The following AFF3 variants were observed in gnomAD, a reference collection of about 807,000 sequenced individuals.
AFF3 encodes the protein AF4/FMR2 family member 3.
AFF3 carries 32 observed loss-of-function variants against 129.7 expected under a neutral mutation model. The ratio of observed to expected loss-of-function variants is 0.25; its 90% CI spans 0.19 to 0.33. The LOEUF is 0.33. AFF3 is among the 10% of genes least tolerant of loss of function. The pLI is 1.00. For synonymous variants in AFF3, 644 were observed against 635.4 expected, an observed-to-expected ratio of 1.01 and a Z score of -0.20; for missense variants, 1,373 against 1,592.0, an observed-to-expected ratio of 0.86 and a Z score of 2.34.
At chr2:99,742,188 T>G (rs1350139331) in intron 10 of AFF3, among the ~76,000 whole-genome samples, 1 of 151,956 alleles carries the variant, frequency 6.6e-6, no homozygotes, top group Non-Finnish European at 1.5e-5. Context: ...AAATGCTGTC[T>G]ATAAGAAAAA....
chr2:99,650,334 G>A (rs1466103433), intron 12 of AFF3, among the ~76,000 whole-genome samples: 1 of 152,100 alleles, frequency 6.6e-6, no homozygotes, highest in Non-Finnish European at 1.5e-5. Context: ...TGAGGCAGGT[G>A]GATCACCTGA....
At position 99,601,451 on chromosome 2, in the gene AFF3, T is replaced by G. The variant is rs993511035; in HGVS notation, c.1355A>C (p.His452Pro). The G allele has an allele frequency of 1.9e-6, 3 of 1,606,310 alleles. No individual in the cohort carries two copies. The highest frequency in any genetic ancestry group is 2.6e-6 in the Non-Finnish European group (3 of 1,175,796). The change falls in exon 14 of 25, where the codon CAC (histidine) becomes CCC (proline). Residue 452 changes from histidine to proline, a missense_variant. By Grantham distance (77) the His-to-Pro change is moderately conservative. Coordinates refer to ENST00000672756, the MANE Select transcript of AFF3 (RefSeq NM_001386135.1). ...SSESEGSKPPHFSSPEAEPAS... is the reference protein window; with the variant it reads ...SSESEGSKPPPFSSPEAEPAS... ...AGCGCTTACCTCGGGGCTGGAGAAG[T>G]GGGGGGGCTTGCTGCCCTCACTCTC...
chr2:99,586,343 C>CTG (rs1288080753), intron 16 of AFF3, among the ~76,000 whole-genome samples: 1 of 152,156 alleles, frequency 6.6e-6, no homozygotes, highest in Non-Finnish European at 1.5e-5. Context: ...TGCAGTGTGC[C>CTG]TGTGTGTGTG....
intron 2 of AFF3, among the ~76,000 whole-genome samples, chr2:100,124,486 A>G (rs1442732425): frequency 6.6e-6 from 1 of 152,234 alleles, no homozygotes; most frequent in East Asian, 1.9e-4. Flanking sequence ...TATTTTTTAT[A>G]CATCCTTTTT....
chr2:99,574,355 A>G (rs527941699), intron 18 of AFF3, among the ~76,000 whole-genome samples: 2 of 152,286 alleles, frequency 1.3e-5, no homozygotes, highest in African/African-American at 4.8e-5. Context: ...TTAAAAATAA[A>G]TGTTATTCTT....
intron 11 of AFF3, among the ~76,000 whole-genome samples, chr2:99,715,430 G>C (rs1008339445): frequency 2.0e-5 from 3 of 152,096 alleles, no homozygotes; most frequent in African/African-American, 7.2e-5. Context: ...TGCCTATTAC[G>C]AAACAGGCAC....
Position 99,582,843 on chromosome 2 carries a change from C to T in AFF3, c.2748G>A (p.Lys916=). Reference sequence around the variant, plus strand: ...GCTGCAGCTGGCTGTCGGCCTTAGGCTTTTTGCTGGAAGAGGCTGAAGTAA... The same window carrying T: ...GCTGCAGCTGGCTGTCGGCCTTAGGTTTTTTGCTGGAAGAGGCTGAAGTAA... The part of the protein sequence containing the change: ...SLFTSASSSK[K]PKADSQLQPH... Residue 916 remains lysine (K), a synonymous_variant, in exon 17 of 25, where the codon AAG becomes AAA. Coordinates refer to ENST00000672756, the MANE Select transcript of AFF3 (RefSeq NM_001386135.1). 6.2e-7 allele frequency: 1 copy of T among 1,614,182 alleles called. No homozygotes were observed. The highest frequency in any genetic ancestry group is 8.5e-7 in the Non-Finnish European group (1 of 1,180,044).
chr2:99,566,043 T>C (rs1298641183), intron 19 of AFF3, among the ~76,000 whole-genome samples: 2 of 152,234 alleles, frequency 1.3e-5, no homozygotes, highest in Admixed American at 6.5e-5. Flanking sequence ...CCAACTTGGA[T>C]GGTTCTAGGC....
At chr2:99,754,041 C>G (rs1041283225) in intron 8 of AFF3, among the ~76,000 whole-genome samples, 1 of 152,152 alleles carries the variant, frequency 6.6e-6, no homozygotes, top group Non-Finnish European at 1.5e-5. Flanking sequence ...CTGGTCAGCT[C>G]TTACCCAGAG....
chr2:100,106,005 G>A (rs1014026489), intron 2 of AFF3: 7 of 1,322,640 alleles, frequency 5.3e-6, no homozygotes, highest in Middle Eastern at 2.1e-4. Flanking sequence ...TCCCTCCAGC[G>A]TCAAGCCGAA....
At chr2:100,136,635 C>T (rs767222210) in intron 1 of AFF3, among the ~76,000 whole-genome samples, 4 of 152,108 alleles carry the variant, frequency 2.6e-5, no homozygotes, top group East Asian at 1.9e-4. Context: ...GCTATGTGAC[C>T]GCTGAAGCTT....
chr2:99,712,469 T>C (rs6708267), intron 11 of AFF3, among the ~76,000 whole-genome samples: 40,031 of 152,192 alleles, frequency 0.26, 5,414 homozygotes, highest in African/African-American at 0.31. Flanking sequence ...GCCCAGTGCA[T>C]GCCATTTCCT....
chr2:99,837,652 G>A (rs1363563687), intron 7 of AFF3, 128 bp from the exon 8 acceptor site: 3 of 752,156 alleles, frequency 4.0e-6, no homozygotes, highest in Non-Finnish European at 6.6e-6. Context: ...GGGGATGCCT[G>A]ACCTGGGACT....
intron 2 of AFF3, among the ~76,000 whole-genome samples, chr2:100,113,206 A>G (rs1466331996): frequency 1.3e-5 from 2 of 152,206 alleles, no homozygotes; most frequent in African/African-American, 2.4e-5. Flanking sequence ...TGATTTACTG[A>G]ACAAACATTA....
At chr2:99,785,301 T>G (rs887626322) in intron 8 of AFF3, among the ~76,000 whole-genome samples, 2 of 152,212 alleles carry the variant, frequency 1.3e-5, no homozygotes, top group Non-Finnish European at 2.9e-5. Context: ...AAATCTATGT[T>G]ACTACCTTAG....
intron 8 of AFF3, among the ~76,000 whole-genome samples, chr2:99,830,964 C>T (rs996482052): frequency 6.6e-6 from 1 of 152,146 alleles, no homozygotes; most frequent in Non-Finnish European, 1.5e-5. Flanking sequence ...CAGCCCTGGC[C>T]AGGATGCCAG....
At chr2:99,691,819 T>A (rs1675696667) in intron 11 of AFF3, among the ~76,000 whole-genome samples, 1 of 152,028 alleles carries the variant, frequency 6.6e-6, no homozygotes, top group Admixed American at 6.5e-5. Flanking sequence ...TAGGATTAGG[T>A]CAGGAGGAAG....
At chr2:99,882,555 A>G (rs970701803) in intron 7 of AFF3, among the ~76,000 whole-genome samples, 4 of 152,200 alleles carry the variant, frequency 2.6e-5, no homozygotes, top group African/African-American at 9.7e-5. Flanking sequence ...CCCTCACAGC[A>G]GTGCCCAATG....
chr2:100,024,776 T>C (rs1271028640), intron 4 of AFF3, among the ~76,000 whole-genome samples: 1 of 152,058 alleles, frequency 6.6e-6, no homozygotes, highest in Admixed American at 6.6e-5. Flanking sequence ...ATGGGGAATA[T>C]CCAAGATACA....
Sources: gnomAD v4.1 joint callset for allele counts (sites outside exome capture counted in the v4.1 genomes callset) on GRCh38, gnomAD v4.1.1 for gene constraint, MANE v1.5 for transcripts, NCBI Gene and HGNC (gene_info 2026-07-23, HGNC 2026-07-21) for gene names.